RASA1: variants seen among roughly 807,000 people sequenced by gnomAD.
RASA1 encodes RAS p21 protein activator 1, also known as ras GTPase-activating protein 1.
A neutral mutation model predicts 132.2 loss-of-function variants in RASA1; 25 were observed. The observed-to-expected ratio is 0.19, with a 90% confidence interval of 0.14 to 0.26. RASA1 has a LOEUF of 0.26. Among genes scored for constraint, RASA1 ranks in the 10% least tolerant of loss-of-function variants. The probability of loss-of-function intolerance (pLI) is 1.00; values close to 1 mark genes in which losing one functional copy is unlikely to be tolerated. For missense variants in RASA1, 964 were observed against 1,299.2 expected (o/e 0.74, Z 3.97); for synonymous variants, 477 against 449.9 (o/e 1.06, Z -0.76).
At chr5:87,289,419 C>T (rs1214837945) in intron 1 of RASA1, among the ~76,000 whole-genome samples, 1 of 151,852 alleles carries the variant, frequency 6.6e-6, no homozygotes, top group Admixed American at 6.6e-5. Flanking sequence ...TTATTTTTAC[C>T]TGAATCATTT....
chr5:87,379,737 A>G lies in RASA1; in HGVS notation c.2490A>G (p.Leu830=), dbSNP rs757664524. Residue 830 remains leucine (L), a splice_region_variant and synonymous_variant, in exon 19 of 25, where the codon TTA becomes TTG. Transcript: ENST00000274376. ...KIMESKQSCE[L]SPSKLEKNED... ...TATTGATTTATTCCTTCTTTTAGTT[A>G]AGTCCATCAAAGTTAGAAAAAAATG... is the stretch of plus-strand genomic sequence containing the variant. 2 of 1,611,870 alleles carry G rather than the reference A, an allele frequency of 1.2e-6. No individual in the cohort carries two copies. Among genetic ancestry groups the G allele is most frequent in the South Asian group, 1.1e-5 (1 of 90,898 alleles).
intron 1 of RASA1, among the ~76,000 whole-genome samples, chr5:87,283,485 T>A (rs986827504): frequency 7.9e-5 from 12 of 152,136 alleles, no homozygotes; most frequent in African/African-American, 2.9e-4. Context: ...TTAATATATG[T>A]TTACTATAGA....
intron 1 of RASA1, among the ~76,000 whole-genome samples, chr5:87,286,322 C>T (rs1403623882): frequency 1.3e-5 from 2 of 151,960 alleles, no homozygotes; most frequent in African/African-American, 4.8e-5. Context: ...CTCATTTTCT[C>T]TTTCTTCTCC....
chr5:87,311,090 T>G (rs1321021903), intron 1 of RASA1, among the ~76,000 whole-genome samples: 1 of 152,214 alleles, frequency 6.6e-6, no homozygotes, highest in East Asian at 1.9e-4. Flanking sequence ...TGCAATGTCT[T>G]GAGAAAAAAT....
At chr5:87,374,445 A>G in intron 14 of RASA1, 125 bp downstream of exon 14, 1 of 263,544 alleles carries the variant, frequency 3.8e-6, no homozygotes, top group Non-Finnish European at 6.2e-6. Context: ...CTAATAGCAT[A>G]TATATATATA....
chr5:87,385,436 T>TTA (rs770236679), intron 22 of RASA1, 47 bp downstream of exon 22: 1 of 1,387,212 alleles, frequency 7.2e-7, no homozygotes, highest in Admixed American at 1.7e-5. Flanking sequence ...AATGCAAGTT[T>TTA]GACATGATAA....
chr5:87,361,489 A>C (rs1456086047), intron 9 of RASA1, among the ~76,000 whole-genome samples: 1 of 152,194 alleles, frequency 6.6e-6, no homozygotes, highest in South Asian at 2.1e-4. Flanking sequence ...AAGATGGACT[A>C]AAAGTCATAA....
At chr5:87,390,651 G>C in intron 24 of RASA1, 149 bp from the exon 25 acceptor site, 1 of 718,908 alleles carries the variant, frequency 1.4e-6, no homozygotes, top group Admixed American at 2.1e-5. Flanking sequence ...GCCAATGACT[G>C]AATAATAGAG....
At chr5:87,366,488 C>A in intron 11 of RASA1, 1 of 244,470 alleles carries the variant, frequency 4.1e-6, no homozygotes. Context: ...TGAATGATTC[C>A]TATTCTGGTT....
intron 1 of RASA1, among the ~76,000 whole-genome samples, chr5:87,283,148 G>GTTTTTTTTTTTTTTTTTT (rs200461511): frequency 3.9e-5 from 4 of 103,254 alleles, no homozygotes; most frequent in Non-Finnish European, 4.1e-5. Flanking sequence ...TTTTTTTTGT[G>GTTTTTTTTTTTTTTTTTT]TTTTTTTTTT....
At chr5:87,277,087 A>G (rs1330581917) in intron 1 of RASA1, among the ~76,000 whole-genome samples, 1 of 152,138 alleles carries the variant, frequency 6.6e-6, no homozygotes, top group Non-Finnish European at 1.5e-5. Context: ...TACTTTATAT[A>G]GATTATCTTA....
At chr5:87,309,356 A>AGGGC (rs1292791056) in intron 1 of RASA1, among the ~76,000 whole-genome samples, 1 of 152,162 alleles carries the variant, frequency 6.6e-6, no homozygotes, top group African/African-American at 2.4e-5. Flanking sequence ...ACAGGATAGT[A>AGGGC]GGGCACTGGA....
At chr5:87,348,341 C>T (rs1759011308) in intron 7 of RASA1, among the ~76,000 whole-genome samples, 1 of 151,838 alleles carries the variant, frequency 6.6e-6, no homozygotes, top group Non-Finnish European at 1.5e-5. Context: ...TTGTGCTTTC[C>T]TAAAAACAAT....
In RASA1 at chr5:87,374,279, G is replaced by A; in HGVS notation, c.1893G>A (p.Arg631=). 6.2e-7 allele frequency: 1 copy of A among 1,604,718 alleles called. No homozygotes were observed. Among genetic ancestry groups the A allele is most frequent in the Non-Finnish European group, 8.5e-7 (1 of 1,174,734 alleles). Residue 631 remains arginine, a synonymous_variant, in exon 14 of 25, where the codon AGG becomes AGA. Transcript: ENST00000274376. The part of the protein sequence containing the change: ...NSVQVAKTHA[R]EGQNPVWSEE... Reference sequence around the variant, plus strand: ...TCCAAGTAGCAAAAACTCATGCAAGGGAAGGGCAAAACCCAGTATGGTCAG... The same window carrying A: ...TCCAAGTAGCAAAAACTCATGCAAGAGAAGGGCAAAACCCAGTATGGTCAG...
At position 87,369,798 on chromosome 5, in the gene RASA1, G is replaced by GT. The variant is rs1439903927; in HGVS notation, c.1611-10dup. 6.3e-7 allele frequency: 1 copy of GT among 1,591,138 alleles called. No homozygotes were observed. The highest frequency in any genetic ancestry group is 1.1e-5 in the South Asian group (1 of 89,948). ...TTTATTAAGCTTCCTAATAATTTTT[G>GT]TTTTTATTTTAAAGGCCAAACTGTT... On this transcript the variant is annotated splice_polypyrimidine_tract_variant and intron_variant, in intron 11 of 24. Transcript: ENST00000274376.
chr5:87,383,291 T>C (rs548500418), intron 20 of RASA1, among the ~76,000 whole-genome samples: 1 of 152,290 alleles, frequency 6.6e-6, no homozygotes, highest in Admixed American at 6.5e-5. Flanking sequence ...AGTTCTAAAA[T>C]TGTACAGAAC....
intron 10 of RASA1, 22 bp from the exon 11 acceptor site, chr5:87,363,321 GAGAAA>G: frequency 6.4e-7 from 1 of 1,566,028 alleles, no homozygotes; most frequent in Non-Finnish European, 8.8e-7. Flanking sequence ...GTTTGGCTAA[GAGAAA>G]ACAATTTTTT....
At chr5:87,365,373 G>T (rs1760432583) in intron 11 of RASA1, among the ~76,000 whole-genome samples, 2 of 152,050 alleles carry the variant, frequency 1.3e-5, no homozygotes, top group African/African-American at 4.8e-5. Context: ...CTTTATAGTG[G>T]CTATACCTCA....
chr5:87,346,756 C>CT (rs1758893372), intron 7 of RASA1, 32 bp downstream of exon 7: 1 of 1,445,856 alleles, frequency 6.9e-7, no homozygotes, highest in Non-Finnish European at 9.7e-7. Flanking sequence ...TTTCTAATGT[C>CT]TATTTAAAGA....
Sources: allele counts gnomAD v4.1 joint callset (sites outside exome capture counted in the v4.1 genomes callset), GRCh38; gene constraint gnomAD v4.1.1; transcripts MANE v1.5; gene names NCBI Gene and HGNC (gene_info 2026-07-23, HGNC 2026-07-21).